TMEM25: variants seen among roughly 807,000 people sequenced by gnomAD.
TMEM25 encodes the protein transmembrane protein 25.
A neutral mutation model predicts 37.0 loss-of-function variants in TMEM25; 36 were observed. The ratio of observed to expected loss-of-function variants is 0.97; its 90% CI spans 0.75 to 1.28. The LOEUF is 1.28. TMEM25 is among the 50% of genes most tolerant of loss of function. TMEM25 has a pLI of 0.00. For missense variants in TMEM25, 444 were observed against 477.9 expected (o/e 0.93, Z 0.66); for synonymous variants, 197 against 203.7 (o/e 0.97, Z 0.28).
At chr11:118,542,623 A>T (rs983732374) in intron 8 of TMEM25, among the ~76,000 whole-genome samples, 1 of 152,036 alleles carries the variant, frequency 6.6e-6, no homozygotes, top group African/African-American at 2.4e-5. Flanking sequence ...TATATATATA[A>T]AAATTAAGCC....
chr11:118,540,339 G>A (rs1167014144), downstream of TMEM25, among the ~76,000 whole-genome samples: 3 of 152,130 alleles, frequency 2.0e-5, no homozygotes, highest in African/African-American at 7.2e-5. Flanking sequence ...TCCATAGAAT[G>A]GCTAAGGCCG....
In TMEM25 at chr11:118,534,753, T is replaced by C. The variant is rs1490258155; in HGVS notation, c.*173T>C. ...ATGCACGTGATGCATTTCACTGGGC[T>C]GTAACCCGCAGGGGCACAGGTATCT... On this transcript the variant is annotated 3_prime_UTR_variant, in exon 9 of 9. Coordinates refer to ENST00000313236, the MANE Select transcript of TMEM25 (RefSeq NM_032780.4). This position sits in a 1 kb window ranked among gnomAD's most constrained non-coding sequence, Gnocchi z 4.6. 3.5e-6 allele frequency: 5 copies of C among 1,434,068 alleles called. No homozygotes were observed. In the African/African-American group the frequency reaches 7.1e-5, roughly 20 times the overall value. 88.8% of individuals were successfully genotyped at this position (1,434,068 alleles called of 1,614,324 possible).
In TMEM25 at chr11:118,535,084, A is replaced by G. The variant is rs1951472865; in HGVS notation, c.*504A>G. 7.8e-6 allele frequency: 8 copies of G among 1,020,124 alleles called. No homozygotes were observed. Among genetic ancestry groups the G allele is most frequent in the South Asian group, 4.2e-5 (1 of 23,676 alleles). The allele number at this position is 1,020,124 out of a possible 1,614,324, so 63.2% of individuals were successfully genotyped here. On this transcript the variant is annotated 3_prime_UTR_variant, in exon 9 of 9. Transcript: ENST00000313236. ...GACCCTGCTAGCTGTGCAGAACCCA[A>G]TTGCCCTTTGCACAGAAACCAACCC...
chr11:118,539,205 G>C (rs1951547781), downstream of TMEM25, among the ~76,000 whole-genome samples: 1 of 116,820 alleles, frequency 8.6e-6, no homozygotes, highest in Admixed American at 1.2e-4. Context: ...GTCTCGCTCT[G>C]TTGCCAGGCT....
chr11:118,540,132 CAG>C (rs1348223595), downstream of TMEM25, among the ~76,000 whole-genome samples: 1 of 151,476 alleles, frequency 6.6e-6, no homozygotes, highest in East Asian at 1.9e-4. Context: ...TTGTTTGAGA[CAG>C]AGTCTCGCTC....
chr11:118,532,571 A>C, intron 3 of TMEM25, 110 bp downstream of exon 3: 5 of 1,240,206 alleles, frequency 4.0e-6, no homozygotes, highest in Non-Finnish European at 4.4e-6. Context: ...GCACTTTGCA[A>C]ATATGAACTC....
downstream of TMEM25, among the ~76,000 whole-genome samples, chr11:118,538,527 T>C (rs1951539331): frequency 6.6e-6 from 1 of 152,142 alleles, no homozygotes; most frequent in African/African-American, 2.4e-5. Context: ...GTGGTTTTGA[T>C]TTGCATTTCT....
At chr11:118,545,880 T>C (rs1555067011) in intron 8 of TMEM25, 1 of 1,608,218 alleles carries the variant, frequency 6.2e-7, no homozygotes, top group Admixed American at 1.7e-5. Flanking sequence ...AGGACCAAAG[T>C]CAAAAGGATG....
chr11:118,538,791 G>A (rs1453246720), downstream of TMEM25, among the ~76,000 whole-genome samples: 1 of 151,612 alleles, frequency 6.6e-6, no homozygotes, highest in African/African-American at 2.4e-5. Context: ...TACTTGGGAG[G>A]CTGAGGCAGG....
In TMEM25 at chr11:118,532,433, C is replaced by T; in HGVS notation, c.354C>T (p.Ala118=). Residue 118 remains alanine (A), a synonymous_variant, in exon 3 of 9, where the codon GCC becomes GCT. Transcript: ENST00000313236. ...AGGACCCCAGAAGTGGCCGATCAGC[C>T]AACGCCTCTGTCATCCTTAATGTGC... is the stretch of plus-strand genomic sequence containing the variant. ...SLQDPRSGRS[A]NASVILNVQF... is the part of the protein sequence containing the mutation. The T allele has an allele frequency of 6.2e-7, 1 of 1,613,814 alleles. No homozygotes were observed. The highest frequency in any genetic ancestry group is 8.5e-7 in the Non-Finnish European group (1 of 1,179,758).
At position 118,531,791 on chromosome 11, in the gene TMEM25, C is replaced by T; in HGVS notation, c.-11C>T. The T allele has an allele frequency of 1.3e-6, 2 of 1,549,758 alleles. No individual in the cohort carries two copies. Among genetic ancestry groups the T allele is most frequent in the Non-Finnish European group, 1.7e-6 (2 of 1,146,658 alleles). ...TTCTCTCAGCAGCCTAGGGCCTAGG[C>T]CCGGGCCACCATGGCGCTGCCTCCA... On this transcript the variant is annotated 5_prime_UTR_variant, in exon 2 of 9. Transcript: ENST00000313236.
intron 8 of TMEM25, chr11:118,545,885 AG>A: frequency 6.2e-7 from 1 of 1,604,394 alleles, no homozygotes; most frequent in Non-Finnish European, 8.5e-7. Context: ...CAAAGTCAAA[AG>A]GATGGTGTCA....
At chr11:118,545,002 C>A in intron 8 of TMEM25, 1 of 1,610,046 alleles carries the variant, frequency 6.2e-7, no homozygotes, top group Non-Finnish European at 8.5e-7. Context: ...TCAGCGAGAG[C>A]TTTAAAATGC....
At chr11:118,533,968 A>G (rs1591341527) in intron 6 of TMEM25, 61 bp from the exon 7 acceptor site, 1 of 1,613,806 alleles carries the variant, frequency 6.2e-7, no homozygotes, top group East Asian at 2.2e-5. Context: ...TTTCTGGTAG[A>G]GGCAGCCATG....
In TMEM25 at chr11:118,532,232, C is replaced by G; in HGVS notation, c.153C>G (p.Thr51=). 6.2e-7 allele frequency: 1 copy of G among 1,613,168 alleles called. No homozygotes were observed. Among genetic ancestry groups the G allele is most frequent in the Non-Finnish European group, 8.5e-7 (1 of 1,179,418 alleles). The change falls in exon 3 of 9, where the codon ACC becomes ACG. Residue 51 remains threonine, a synonymous_variant. Transcript: ENST00000313236. The part of the protein sequence containing the change: ...ALRENERHAF[T]CRVAGGPGTP... Reference sequence around the variant, plus strand: ...GGGAGAATGAACGCCACGCCTTCACCTGCCGGGTGGCAGGGGGGCCTGGCA... The same window carrying G: ...GGGAGAATGAACGCCACGCCTTCACGTGCCGGGTGGCAGGGGGGCCTGGCA...
downstream of TMEM25, among the ~76,000 whole-genome samples, chr11:118,539,656 T>G (rs1468134178): frequency 6.6e-6 from 1 of 152,112 alleles, no homozygotes; most frequent in African/African-American, 2.4e-5. Context: ...CAGCACCATG[T>G]ATTGTGGAGG....
chr11:118,544,727 A>G (rs1387332315), intron 8 of TMEM25: 8 of 580,874 alleles, frequency 1.4e-5, no homozygotes, highest in Non-Finnish European at 2.2e-5. Context: ...GGGGACAGCA[A>G]TCTGAGGCAG....
downstream of TMEM25, among the ~76,000 whole-genome samples, chr11:118,536,521 CA>C (rs1951512824): frequency 6.6e-6 from 1 of 152,140 alleles, no homozygotes; most frequent in South Asian, 2.1e-4. Flanking sequence ...TGAAGTTTTC[CA>C]GTCTCACAGT....
downstream of TMEM25, chr11:118,547,065 A>G (rs1486567725): frequency 6.6e-6 from 1 of 152,220 alleles, no homozygotes; most frequent in African/African-American, 2.4e-5. Context: ...TCCATTGCAT[A>G]GTATTTCACT....
Sources: gnomAD v4.1 joint callset for allele counts (sites outside exome capture counted in the v4.1 genomes callset) on GRCh38, gnomAD v4.1.1 for gene constraint, Gnocchi (gnomAD v3.1) non-coding constraint, MANE v1.5 for transcripts, NCBI Gene and HGNC (gene_info 2026-07-23, HGNC 2026-07-21) for gene names.